Variants in ARHGAP25 observed in about 807,000 individuals in gnomAD.
ARHGAP25 encodes Rho GTPase activating protein 25, also known as rho GTPase-activating protein 25.
A neutral mutation model predicts 71.0 loss-of-function variants in ARHGAP25; 34 were observed. That is an observed-to-expected ratio of 0.48 (90% confidence interval 0.36 to 0.64). The LOEUF is 0.64. ARHGAP25 is among the 30% of genes least tolerant of loss of function. The pLI, the probability that ARHGAP25 is intolerant of heterozygous loss-of-function variation, is 0.00. For synonymous variants in ARHGAP25, 282 were observed against 296.5 expected (o/e 0.95, Z 0.50); for missense variants, 706 against 805.1 (o/e 0.88, Z 1.49).
chr2:68,786,674 G>A (rs912691852), intron 3 of ARHGAP25, among the ~76,000 whole-genome samples: 1 of 152,164 alleles, frequency 6.6e-6, no homozygotes, highest in Non-Finnish European at 1.5e-5. Flanking sequence ...TCAGAATCAG[G>A]TTATCACAAA....
intron 4 of ARHGAP25, among the ~76,000 whole-genome samples, chr2:68,801,436 G>C (rs548783469): frequency 9.2e-5 from 14 of 152,352 alleles, no homozygotes; most frequent in African/African-American, 3.4e-4. Flanking sequence ...AGCCACATGA[G>C]AAAGTGTCCC....
At chr2:68,736,356 G>A (rs903461689) in intron 1 of ARHGAP25, among the ~76,000 whole-genome samples, 6 of 152,148 alleles carry the variant, frequency 3.9e-5, no homozygotes, top group Non-Finnish European at 7.4e-5. Context: ...GGTCAGTTCA[G>A]AGAAAAGGTA....
chr2:68,741,408 C>T (rs945962118), intron 1 of ARHGAP25, among the ~76,000 whole-genome samples: 5 of 152,198 alleles, frequency 3.3e-5, no homozygotes, highest in Admixed American at 3.3e-4. Context: ...GACAGGAGTG[C>T]AACTTACTGT....
At chr2:68,796,647 A>T (rs1679559962) in intron 4 of ARHGAP25, among the ~76,000 whole-genome samples, 1 of 152,140 alleles carries the variant, frequency 6.6e-6, no homozygotes, top group Non-Finnish European at 1.5e-5. Flanking sequence ...TTAGTGTGTT[A>T]GGGTGCAGTT....
intron 2 of ARHGAP25, among the ~76,000 whole-genome samples, chr2:68,716,692 A>G (rs1210527091): frequency 6.6e-6 from 1 of 152,212 alleles, no homozygotes; most frequent in African/African-American, 2.4e-5. Context: ...CTTCAACCAC[A>G]TGATGTTATC....
chr2:68,792,740 G>A (rs2104412411), intron 4 of ARHGAP25, among the ~76,000 whole-genome samples: 1 of 152,320 alleles, frequency 6.6e-6, no homozygotes, highest in African/African-American at 2.4e-5. Flanking sequence ...AAACATTCAA[G>A]TGCAGGTATC....
At chr2:68,819,034 A>G in intron 8 of ARHGAP25, 89 bp from the exon 9 acceptor site, 1 of 1,209,228 alleles carries the variant, frequency 8.3e-7, no homozygotes, top group Non-Finnish European at 1.2e-6. Flanking sequence ...TTTAGAACCG[A>G]GTTTGGAGAC....
Position 68,767,982 on chromosome 2 carries a change from C to T in ARHGAP25, c.62-7239C>T, listed in dbSNP as rs148829525. On this transcript the variant is annotated intron_variant, in intron 1 of 10. Transcript: ENST00000409202. This position sits in a 1 kb window ranked among gnomAD's most constrained non-coding sequence, Gnocchi z 4.6. ...TCCACTTCACTCTGGATTCTTTAAC[C>T]CTGTGAATTACTAGACATGGATTCC... 1.3e-5 allele frequency among the ~76,000 whole-genome samples: 2 copies of T among 152,272 alleles called. No individual in the cohort carries two copies. Among genetic ancestry groups the T allele is most frequent in the East Asian group, 3.9e-4 (2 of 5,192 alleles).
intron 4 of ARHGAP25, among the ~76,000 whole-genome samples, chr2:68,799,242 A>G (rs778801172): frequency 5.3e-5 from 8 of 152,142 alleles, no homozygotes. Flanking sequence ...TGGAGAATAA[A>G]CACTGGGTTG....
At chr2:68,766,071 C>T (rs1677105018) in intron 1 of ARHGAP25, among the ~76,000 whole-genome samples, 1 of 152,198 alleles carries the variant, frequency 6.6e-6, no homozygotes, top group Non-Finnish European at 1.5e-5. Flanking sequence ...CATCCTAATG[C>T]ACTTATTTAT....
At chr2:68,762,661 T>C (rs765789110) in intron 1 of ARHGAP25, among the ~76,000 whole-genome samples, 2 of 152,146 alleles carry the variant, frequency 1.3e-5, no homozygotes, top group African/African-American at 2.4e-5. Context: ...AAAAGCTTAG[T>C]TGGTCCTTCA....
chr2:68,747,946 G>A lies in ARHGAP25; in HGVS notation c.61+12686G>A, dbSNP rs1381910517. Among the ~76,000 whole-genome samples, 10 of 152,150 alleles carry A rather than the reference G, an allele frequency of 6.6e-5. No homozygotes were observed. In the East Asian group the frequency reaches 1.9e-3, roughly 29 times the overall value. ...AAATAGTTAGCTGACTTGGCTTCCT[G>A]CCTCCACTCTTGTCCTGGACCATGT... On this transcript the variant is annotated intron_variant, in intron 1 of 10. Transcript: ENST00000409202.
upstream of ARHGAP25, among the ~76,000 whole-genome samples, chr2:68,732,272 A>T (rs986192376): frequency 6.6e-6 from 1 of 152,208 alleles, no homozygotes; most frequent in African/African-American, 2.4e-5. Flanking sequence ...CCCATGGGTC[A>T]CGAGTTTTTC....
chr2:68,822,913 A>T, intron 10 of ARHGAP25, 41 bp downstream of exon 10: 1 of 1,538,890 alleles, frequency 6.5e-7, no homozygotes, highest in Non-Finnish European at 8.7e-7. Flanking sequence ...CTTGGCTTCC[A>T]TCTTTAGAGA....
At chr2:68,756,838 C>A (rs994532434) in intron 1 of ARHGAP25, among the ~76,000 whole-genome samples, 2 of 151,962 alleles carry the variant, frequency 1.3e-5, no homozygotes, top group Non-Finnish European at 2.9e-5. Flanking sequence ...CTGATGAAGA[C>A]CTGATGGCAC....
At chr2:68,807,186 G>A in intron 4 of ARHGAP25, 87 bp from the exon 5 acceptor site, 1 of 1,340,976 alleles carries the variant, frequency 7.5e-7, no homozygotes, top group Non-Finnish European at 1.1e-6. Context: ...TAAAACCTGT[G>A]AAGACACAGG....
chr2:68,744,003 T>C (rs1033680459), intron 1 of ARHGAP25, among the ~76,000 whole-genome samples: 1 of 152,064 alleles, frequency 6.6e-6, no homozygotes, highest in Middle Eastern at 3.4e-3. Flanking sequence ...GGAGTCATTA[T>C]TCTTTCTTTT....
chr2:68,784,903 T>C (rs1486480073), intron 3 of ARHGAP25, among the ~76,000 whole-genome samples: 2 of 152,146 alleles, frequency 1.3e-5, no homozygotes, highest in African/African-American at 2.4e-5. Context: ...AGGTGGTTGA[T>C]TGATTATTGT....
At chr2:68,818,581 G>A (rs1681401886) in intron 8 of ARHGAP25, among the ~76,000 whole-genome samples, 1 of 152,202 alleles carries the variant, frequency 6.6e-6, no homozygotes, top group Admixed American at 6.5e-5. Flanking sequence ...TCCCACCTCG[G>A]CCTCCCAAAG....
Sources: gnomAD v4.1 joint callset for allele counts (sites outside exome capture counted in the v4.1 genomes callset) on GRCh38, gnomAD v4.1.1 for gene constraint, Gnocchi (gnomAD v3.1) non-coding constraint, MANE v1.5 for transcripts, NCBI Gene and HGNC (gene_info 2026-07-23, HGNC 2026-07-21) for gene names.